Variants in RAD51B observed in about 807,000 individuals in gnomAD.
RAD51B encodes DNA repair protein RAD51 homolog 2.
A neutral mutation model predicts 42.2 loss-of-function variants in RAD51B; 38 were observed. The observed-to-expected ratio is 0.90, with a 90% CI of 0.70 to 1.18. The LOEUF (loss-of-function observed/expected upper bound fraction) is 1.18. RAD51B is among the 50% of genes most tolerant of loss of function. The pLI is 0.00. For missense variants in RAD51B, 373 were observed against 400.7 expected, an observed-to-expected ratio of 0.93 and a Z score of 0.59; for synonymous variants, 154 against 145.2, an observed-to-expected ratio of 1.06 and a Z score of -0.43.
intron 7 of RAD51B, among the ~76,000 whole-genome samples, chr14:68,202,332 G>A (rs2079502840): frequency 6.6e-6 from 1 of 152,116 alleles, no homozygotes; most frequent in Admixed American, 6.5e-5. Flanking sequence ...TGCATTAATA[G>A]ACTCTTCCTT....
intron 7 of RAD51B, among the ~76,000 whole-genome samples, chr14:68,272,379 G>A (rs568171918): frequency 6.6e-6 from 1 of 151,914 alleles, no homozygotes; most frequent in Non-Finnish European, 1.5e-5. Flanking sequence ...GGACGACCCA[G>A]TTATGAATCC....
intron 8 of RAD51B, among the ~76,000 whole-genome samples, chr14:68,314,326 G>C (rs1019840796): frequency 3.3e-5 from 5 of 151,896 alleles, no homozygotes; most frequent in African/African-American, 1.2e-4. Context: ...CTTCCTGCCC[G>C]AATGTCTCTC....
chr14:68,199,189 C>A (rs1415991280), intron 7 of RAD51B, among the ~76,000 whole-genome samples: 9 of 152,148 alleles, frequency 5.9e-5, no homozygotes, highest in Non-Finnish European at 2.9e-5. Flanking sequence ...CTTTTGGCAT[C>A]CAGAATAGAA....
At chr14:67,980,468 A>C (rs752681086) in intron 7 of RAD51B, among the ~76,000 whole-genome samples, 24 of 152,314 alleles carry the variant, frequency 1.6e-4, no homozygotes, top group Non-Finnish European at 2.9e-4. Flanking sequence ...AGTGGAAAAA[A>C]TTAGAGGACT....
At position 67,950,027 on chromosome 14, in the gene RAD51B, G is replaced by A. The variant is rs552041542; in HGVS notation, c.756+62823G>A. Reference sequence around the variant, plus strand: ...TTGTTCCATTTCTAGACCACAGGCCGAGTAGATTTAGCATAACTTTTGGGG... The same window carrying A: ...TTGTTCCATTTCTAGACCACAGGCCAAGTAGATTTAGCATAACTTTTGGGG... On this transcript the variant is annotated intron_variant, in intron 7 of 10. Coordinates refer to ENST00000471583, the MANE Select transcript of RAD51B (RefSeq NM_133510.4). Among the ~76,000 whole-genome samples the A allele has an allele frequency of 3.9e-5, 6 of 152,186 alleles. No homozygotes were observed. The South Asian group carries it at 1.2e-3, about 32-fold the overall frequency.
intron 10 of RAD51B, among the ~76,000 whole-genome samples, chr14:68,527,825 C>T (rs1322422167): frequency 6.6e-6 from 1 of 152,172 alleles, no homozygotes; most frequent in African/African-American, 2.4e-5. Flanking sequence ...AACAAGTCAG[C>T]TCATAAAGTA....
chr14:68,302,999 T>C (rs1237272707), intron 8 of RAD51B, among the ~76,000 whole-genome samples: 1 of 152,196 alleles, frequency 6.6e-6, no homozygotes, highest in Non-Finnish European at 1.5e-5. Flanking sequence ...TGGCAAGATT[T>C]TGGGGGGCTT....
At position 67,880,789 on chromosome 14, in the gene RAD51B, CAT is replaced by C. The variant is rs530698959; in HGVS notation, c.453-5077_453-5076del. Among the ~76,000 whole-genome samples the C allele has an allele frequency of 3.8e-3, 582 of 152,176 alleles. 8 individuals carry two copies. The highest frequency in any genetic ancestry group is 0.013 in the African/African-American group (560 of 41,526). On this transcript the variant is annotated intron_variant, in intron 5 of 10. Coordinates refer to ENST00000471583, the MANE Select transcript of RAD51B (RefSeq NM_133510.4). ...GTTGTTGGTGGGTGCTGGATTTTAA[CAT>C]ATGTTTTTCAAGAGTGTTAGGTTTT...
chr14:68,629,817 A>G (rs1288475628), intron 10 of RAD51B, among the ~76,000 whole-genome samples: 1 of 152,226 alleles, frequency 6.6e-6, no homozygotes, highest in African/African-American at 2.4e-5. Flanking sequence ...CATTTCACAT[A>G]TTGTTACATT....
At chr14:68,165,916 G>T (rs1300915466) in intron 7 of RAD51B, among the ~76,000 whole-genome samples, 1 of 152,152 alleles carries the variant, frequency 6.6e-6, no homozygotes, top group African/African-American at 2.4e-5. Context: ...AAAGGCTTTA[G>T]AGAAAGTTCC....
chr14:68,350,711 G>A (rs1274970910), intron 8 of RAD51B, among the ~76,000 whole-genome samples: 1 of 152,222 alleles, frequency 6.6e-6, no homozygotes, highest in Non-Finnish European at 1.5e-5. Flanking sequence ...ATTTAGTGGA[G>A]GGGAGATGGT....
At chr14:68,373,959 A>T (rs745856570) in intron 8 of RAD51B, among the ~76,000 whole-genome samples, 21 of 152,196 alleles carry the variant, frequency 1.4e-4, no homozygotes, top group Non-Finnish European at 8.8e-5. Context: ...TTATCTTTGT[A>T]ATCTGGAGAG....
intron 10 of RAD51B, among the ~76,000 whole-genome samples, chr14:68,557,587 T>C (rs972830298): frequency 6.6e-6 from 1 of 152,200 alleles, no homozygotes; most frequent in African/African-American, 2.4e-5. Context: ...CCCTAAATCA[T>C]TGCTGACTGA....
In RAD51B at chr14:68,533,726, GA is replaced by G. The variant is rs767314031; in HGVS notation, c.1037-60750del. ...AAAAGTTAAAATAAACTTTACTATG[GA>G]AAAAAAAATGTAGCCTTTCTGAGCA... On this transcript the variant is annotated intron_variant, in intron 10 of 10. Coordinates refer to the RAD51B transcript ENST00000487270. 1.1e-4 allele frequency among the ~76,000 whole-genome samples: 17 copies of G among 150,948 alleles called. No homozygotes were observed. In the East Asian group the frequency reaches 2.1e-3, roughly 19 times the overall value.
chr14:67,874,271 A>G (rs1055364721), intron 5 of RAD51B, among the ~76,000 whole-genome samples: 10 of 152,208 alleles, frequency 6.6e-5, no homozygotes, highest in African/African-American at 1.9e-4. Context: ...ATGCTTGTTC[A>G]TCATAGACTG....
chr14:68,216,694 G>A (rs958067530), intron 7 of RAD51B, among the ~76,000 whole-genome samples: 2 of 152,162 alleles, frequency 1.3e-5, no homozygotes, highest in Non-Finnish European at 2.9e-5. Flanking sequence ...TTACAAAGAA[G>A]TATTTCAAAG....
At chr14:68,612,255 C>T (rs140238316), downstream of RAD51B, among the ~76,000 whole-genome samples, 4 of 152,276 alleles carry the variant, frequency 2.6e-5, no homozygotes, top group Non-Finnish European at 4.4e-5. Context: ...GACAGACTGA[C>T]GAGGGACGAA....
At chr14:68,323,727 G>A (rs2082198022) in intron 8 of RAD51B, among the ~76,000 whole-genome samples, 1 of 152,184 alleles carries the variant, frequency 6.6e-6, no homozygotes, top group African/African-American at 2.4e-5. Flanking sequence ...CCTGGGAGGC[G>A]GAGGTTACAG....
At chr14:68,460,952 ACT>A (rs1443745050) in intron 9 of RAD51B, among the ~76,000 whole-genome samples, 1 of 152,042 alleles carries the variant, frequency 6.6e-6, no homozygotes, top group Admixed American at 6.6e-5. Context: ...GCATTTATTC[ACT>A]CATTCATTCT....
Sources: gnomAD v4.1 joint callset for allele counts (sites outside exome capture counted in the v4.1 genomes callset) on GRCh38, gnomAD v4.1.1 for gene constraint, MANE v1.5 for transcripts, NCBI Gene and HGNC (gene_info 2026-07-23, HGNC 2026-07-21) for gene names.